Variants in OGDH observed in about 807,000 individuals in gnomAD.
The protein encoded by OGDH is oxoglutarate dehydrogenase.
OGDH carries 38 observed loss-of-function variants against 116.6 expected under a neutral mutation model. That is an observed-to-expected ratio of 0.33 (90% CI 0.25 to 0.43). The LOEUF (loss-of-function observed/expected upper bound fraction) is 0.43. Ranked by LOEUF, OGDH falls within the 20% of genes least tolerant of loss-of-function variation. OGDH has a pLI of 1.00. For missense variants in OGDH, 825 were observed against 1,357.2 expected, an observed-to-expected ratio of 0.61 and a Z score of 6.16; for synonymous variants, 488 against 533.3, an observed-to-expected ratio of 0.92 and a Z score of 1.17.
In OGDH at chr7:44,707,024, G is replaced by A. The variant is rs1789109281; in HGVS notation, c.2633-201G>A. 1.3e-5 allele frequency among the ~76,000 whole-genome samples: 2 copies of A among 152,340 alleles called. No individual in the cohort carries two copies. Among genetic ancestry groups the A allele is most frequent in the Middle Eastern group, 6.8e-3 (2 of 294 alleles). On this transcript the variant is annotated intron_variant, in intron 20 of 22. Coordinates refer to ENST00000222673, the MANE Select transcript of OGDH (RefSeq NM_002541.4). The surrounding 1 kb of genome is among the most constrained non-coding windows in gnomAD (Gnocchi z 5.2). ...ACCCAGAGCTGGCCATGTCTGCTGTGTATTTGTTACACGTAACGTGCTTTT... is the reference window on the plus strand; with the variant it reads ...ACCCAGAGCTGGCCATGTCTGCTGTATATTTGTTACACGTAACGTGCTTTT...
intron 2 of OGDH, among the ~76,000 whole-genome samples, chr7:44,633,609 G>A (rs1046685243): frequency 2.6e-5 from 4 of 152,170 alleles, no homozygotes; most frequent in Non-Finnish European, 4.4e-5. Flanking sequence ...ATCTCTTCGC[G>A]TCCATGATTG....
intron 2 of OGDH, among the ~76,000 whole-genome samples, chr7:44,634,200 C>A (rs1312667436): frequency 1.3e-5 from 2 of 152,214 alleles, no homozygotes. Flanking sequence ...CGGAGCGATT[C>A]CTGCACAAAG....
rs754851336 is a variant in OGDH, at chr7:44,707,620, G to T, written c.2835G>T (p.Val945=). Residue 945 remains valine (V), a synonymous_variant, in exon 22 of 23, where the codon GTG becomes GTT. Coordinates refer to ENST00000222673, the MANE Select transcript of OGDH (RefSeq NM_002541.4). The surrounding 1 kb of genome is among the most constrained non-coding windows in gnomAD (Gnocchi z 5.2). ...CCTTTGACCTCCTGCTGAAGGAGGTGCAGAAGTACCCCAATGCTGAGCTGG... is the reference window on the plus strand; with the variant it reads ...CCTTTGACCTCCTGCTGAAGGAGGTTCAGAAGTACCCCAATGCTGAGCTGG... ...PFPFDLLLKE[V]QKYPNAELAW... 3.7e-6 allele frequency: 6 copies of T among 1,614,140 alleles called. No individual in the cohort carries two copies. Among genetic ancestry groups the T allele is most frequent in the Non-Finnish European group, 2.5e-6 (3 of 1,180,034 alleles).
chr7:44,665,341 C>T (rs1277658005), intron 4 of OGDH, among the ~76,000 whole-genome samples: 2 of 147,894 alleles, frequency 1.4e-5, no homozygotes, highest in African/African-American at 5.0e-5. Context: ...ACAAACAGGG[C>T]TTGGAAAATG....
chr7:44,611,730 A>G (rs1015253016), intron 1 of OGDH, among the ~76,000 whole-genome samples: 10 of 151,292 alleles, frequency 6.6e-5, no homozygotes, highest in African/African-American at 2.4e-4. Context: ...AAATTTTTAA[A>G]TTTTACATTT....
intron 10 of OGDH, among the ~76,000 whole-genome samples, chr7:44,692,659 T>G (rs774391159): frequency 6.6e-6 from 1 of 152,208 alleles, no homozygotes. Flanking sequence ...AAGATAAAAA[T>G]TTAAATGCAA....
intron 1 of OGDH, among the ~76,000 whole-genome samples, chr7:44,610,615 T>C (rs2117206965): frequency 1.3e-5 from 2 of 151,444 alleles, no homozygotes; most frequent in Non-Finnish European, 2.9e-5. Context: ...TTCATCTTTT[T>C]GTTTGTTTGT....
chr7:44,645,861 C>T (rs1455532639), intron 3 of OGDH, among the ~76,000 whole-genome samples: 1 of 152,154 alleles, frequency 6.6e-6, no homozygotes, highest in African/African-American at 2.4e-5. Flanking sequence ...TGAGCAGTGA[C>T]TGGGAGGGGT....
chr7:44,648,031 G>T (rs1786269134), intron 4 of OGDH, among the ~76,000 whole-genome samples: 1 of 152,210 alleles, frequency 6.6e-6, no homozygotes, highest in Non-Finnish European at 1.5e-5. Context: ...GTCCACCTGG[G>T]GCAGGTGGAT....
chr7:44,687,432 T>C (rs1174660320), intron 10 of OGDH, among the ~76,000 whole-genome samples: 1 of 151,626 alleles, frequency 6.6e-6, no homozygotes, highest in Non-Finnish European at 1.5e-5. Context: ...TTTTAAATTT[T>C]TAGACAGGTT....
intron 2 of OGDH, among the ~76,000 whole-genome samples, chr7:44,625,258 G>A (rs958783615): frequency 6.6e-6 from 1 of 152,072 alleles, no homozygotes; most frequent in Non-Finnish European, 1.5e-5. Context: ...CCGAGTAACT[G>A]GGACTACAGG....
intron 7 of OGDH, among the ~76,000 whole-genome samples, 160 bp from the exon 8 acceptor site, chr7:44,675,018 G>A (rs141817983): frequency 6.6e-6 from 1 of 151,980 alleles, no homozygotes; most frequent in Non-Finnish European, 1.5e-5. Flanking sequence ...GGAGAGGCTC[G>A]GTTCCCACAT....
rs1166846763 is a variant in OGDH, at chr7:44,707,954, C to G, written c.3027C>G (p.Leu1009=). Residue 1009 remains leucine (L), a synonymous_variant, in exon 23 of 23, where the codon CTC becomes CTG. Transcript: ENST00000222673. The surrounding 1 kb of genome is among the most constrained non-coding windows in gnomAD (Gnocchi z 5.2). ...CCCACCTGACGGAGCTGCAGCGCCTCCTGGACACGGCCTTCGACCTGGACG... is the reference window on the plus strand; with the variant it reads ...CCCACCTGACGGAGCTGCAGCGCCTGCTGGACACGGCCTTCGACCTGGACG... The part of the protein sequence containing the change: ...KKTHLTELQR[L]LDTAFDLDVF... 1.2e-6 allele frequency: 2 copies of G among 1,613,918 alleles called. No homozygotes were observed. Among genetic ancestry groups the G allele is most frequent in the East Asian group, 2.2e-5 (1 of 44,886 alleles).
At chr7:44,609,399 A>G (rs1366983104) in intron 1 of OGDH, among the ~76,000 whole-genome samples, 1 of 149,966 alleles carries the variant, frequency 6.7e-6, no homozygotes, top group Non-Finnish European at 1.5e-5. Flanking sequence ...AATCCCAGCT[A>G]CTCAGGAAGC....
chr7:44,656,467 C>A, intron 4 of OGDH: 1 of 987,808 alleles, frequency 1.0e-6, no homozygotes. Flanking sequence ...GACGCAACTT[C>A]TGTCACGTGT....
At chr7:44,676,614 GTATATA>G (rs71858267) in intron 9 of OGDH, 40 of 130,984 alleles carry the variant, frequency 3.1e-4, no homozygotes, top group African/African-American at 4.7e-4. Context: ...GTGTGTGTGT[GTATATA>G]TATATATATA....
chr7:44,647,516 A>G (rs961498837), intron 3 of OGDH, 141 bp from the exon 4 acceptor site: 1 of 1,543,208 alleles, frequency 6.5e-7, no homozygotes, highest in African/African-American at 1.4e-5. Context: ...TGCTCCAGTA[A>G]CTGTTTCTTC....
rs11397029 is a variant in OGDH at position 44,613,802 on chromosome 7, CTTTTTTT to C, written c.-28+7163_-28+7169del. ...TGAGCCACTGGGCCCAGCCACCTGGCTTTTTTTTTTTTTTTTTTTTGAAGATGGCATT... is the reference window on the plus strand; with the variant it reads ...TGAGCCACTGGGCCCAGCCACCTGGCTTTTTTTTTTTTTGAAGATGGCATT... On this transcript the variant is annotated intron_variant, in intron 1 of 22. Transcript: ENST00000222673. Among the ~76,000 whole-genome samples the C allele has an allele frequency of 5.6e-4, 60 of 106,376 alleles. 2 individuals are homozygous for C. In the East Asian group the frequency reaches 0.012, roughly 21 times the overall value. 69.8% of individuals were successfully genotyped at this position (106,376 alleles called of 152,430 possible). A position where few individuals can be genotyped will look rare whatever the true frequency, so the allele number is the denominator to read the frequency against.
chr7:44,625,144 TCAGA>T (rs148949133), intron 2 of OGDH, among the ~76,000 whole-genome samples: 140 of 152,314 alleles, frequency 9.2e-4, no homozygotes, highest in African/African-American at 3.2e-3. Flanking sequence ...TTGTTTTGTT[TCAGA>T]CAGAGTCCCA....
Sources: allele counts gnomAD v4.1 joint callset (sites outside exome capture counted in the v4.1 genomes callset), GRCh38; gene constraint gnomAD v4.1.1; non-coding constraint Gnocchi (gnomAD v3.1); transcripts MANE v1.5; gene names NCBI Gene and HGNC (gene_info 2026-07-23, HGNC 2026-07-21).